The following PTPN11 variants were observed in gnomAD, a reference collection of about 807,000 sequenced individuals.
PTPN11 encodes the protein tyrosine-protein phosphatase non-receptor type 11.
PTPN11 carries 6 observed loss-of-function variants against 78.8 expected under a neutral mutation model. That is an observed-to-expected ratio of 0.08 (90% CI 0.04 to 0.15). PTPN11 has a LOEUF of 0.15. PTPN11 is among the 10% of genes least tolerant of loss of function. The probability of loss-of-function intolerance (pLI) is 1.00; values close to 1 mark genes in which losing one functional copy is unlikely to be tolerated. For synonymous variants in PTPN11, 221 were observed against 263.5 expected (o/e 0.84, Z 1.56); for missense variants, 386 against 744.8 (o/e 0.52, Z 5.61).
chr12:112,428,024 T>G (rs2037648516), intron 1 of PTPN11, among the ~76,000 whole-genome samples: 1 of 152,212 alleles, frequency 6.6e-6, no homozygotes, highest in South Asian at 2.1e-4. Flanking sequence ...GTGCTGGCAT[T>G]ATGGGCATAA....
intron 6 of PTPN11, among the ~76,000 whole-genome samples, chr12:112,457,995 A>G (rs1182568643): frequency 1.3e-5 from 2 of 152,194 alleles, no homozygotes; most frequent in African/African-American, 2.4e-5. Context: ...GTTCTGTTTT[A>G]TGGGAATGAT....
intron 6 of PTPN11, among the ~76,000 whole-genome samples, chr12:112,467,605 C>T (rs897267323): frequency 5.3e-5 from 8 of 152,192 alleles, no homozygotes; most frequent in Non-Finnish European, 1.2e-4. Flanking sequence ...AGCAATTCTC[C>T]TGCCTCAGCC....
intron 10 of PTPN11, among the ~76,000 whole-genome samples, chr12:112,483,311 C>A (rs1179667297): frequency 6.6e-6 from 1 of 152,022 alleles, no homozygotes; most frequent in Non-Finnish European, 1.5e-5. Context: ...CCTCAGCCTC[C>A]CATGTAGCTG....
intron 9 of PTPN11, 107 bp downstream of exon 9, chr12:112,478,122 ATTCTCTGG>A: frequency 7.7e-7 from 1 of 1,305,276 alleles, no homozygotes; most frequent in African/African-American, 1.5e-5. Context: ...ACTGTAACTG[ATTCTCTGG>A]AAAAAAGGGA....
In PTPN11 at chr12:112,477,840, T is replaced by C. The variant is rs750318699; in HGVS notation, c.934-17T>C. 4.3e-6 allele frequency: 7 copies of C among 1,614,074 alleles called. No individual in the cohort carries two copies. In the South Asian group the frequency reaches 7.7e-5, roughly 18 times the overall value. On this transcript the variant is annotated splice_polypyrimidine_tract_variant and intron_variant, in intron 8 of 15. Coordinates refer to ENST00000351677, the MANE Select transcript of PTPN11 (RefSeq NM_002834.5). ...TAACTTTAAGGTGTTTGAAGGATTTTCTTCCTAAATTTCTAGCCTGAATTT... is the reference window on the plus strand; with the variant it reads ...TAACTTTAAGGTGTTTGAAGGATTTCCTTCCTAAATTTCTAGCCTGAATTT...
At chr12:112,426,304 T>A (rs2037614384) in intron 1 of PTPN11, among the ~76,000 whole-genome samples, 1 of 152,216 alleles carries the variant, frequency 6.6e-6, no homozygotes, top group Non-Finnish European at 1.5e-5. Flanking sequence ...TAGCGCAGGC[T>A]GGAGTGCAGT....
At chr12:112,460,862 A>G (rs1161908652) in intron 6 of PTPN11, among the ~76,000 whole-genome samples, 1 of 152,012 alleles carries the variant, frequency 6.6e-6, no homozygotes, top group Non-Finnish European at 1.5e-5. Flanking sequence ...AAACAAAACA[A>G]TCTTAAGTCT....
At chr12:112,454,938 G>C in intron 5 of PTPN11, 2 of 487,100 alleles carry the variant, frequency 4.1e-6, no homozygotes, top group Non-Finnish European at 7.6e-6. Flanking sequence ...TCCTGCCTCA[G>C]CCTCCTGAGT....
In PTPN11 at chr12:112,482,198, T is replaced by C. The variant is rs760221298; in HGVS notation, c.1217T>C (p.Val406Ala). 2.5e-6 allele frequency: 4 copies of C among 1,613,344 alleles called. No individual in the cohort carries two copies. The highest frequency in any genetic ancestry group is 3.4e-6 in the Non-Finnish European group (4 of 1,179,510). ...YTLRELKLSK[V>A]GQGNTERTVW... ...CTAAGAGAACTTAAACTTTCAAAGG[T>C]TGGACAAGTAAGTATATTGTCGTAT... Residue 406 changes from valine (V) to alanine (A), a missense_variant, in exon 10 of 16, where the codon GTT becomes GCT. By Grantham distance (64) the Val-to-Ala change is moderately conservative. Transcript: ENST00000351677. The surrounding 1 kb of genome is among the most constrained non-coding windows in gnomAD (Gnocchi z 4.4).
At chr12:112,447,379 T>C (rs2038009827) in intron 2 of PTPN11, among the ~76,000 whole-genome samples, 1 of 152,230 alleles carries the variant, frequency 6.6e-6, no homozygotes, top group Non-Finnish European at 1.5e-5. Flanking sequence ...GCACTTGTAC[T>C]GTGTATGAAC....
rs2038707425 is a variant in PTPN11 at position 112,488,523 on chromosome 12, G to A, written c.1447+13G>A. 1 of 1,594,296 alleles carries A rather than the reference G, an allele frequency of 6.3e-7. No homozygotes were observed. Among genetic ancestry groups the A allele is most frequent in the Non-Finnish European group, 8.6e-7 (1 of 1,161,908 alleles). On this transcript the variant is annotated intron_variant, in intron 12 of 15. Transcript: ENST00000351677. ...ATCAGAGAGAAAGGTGGGTCATCTG[G>A]TGGGCAAGAAGCGACAGTTTCTGTT...
chr12:112,477,429 C>A (rs558378176), intron 7 of PTPN11, among the ~76,000 whole-genome samples: 7 of 152,198 alleles, frequency 4.6e-5, no homozygotes, highest in African/African-American at 1.7e-4. Context: ...TCCTATATAC[C>A]CATAGTATAT....
At chr12:112,433,029 T>TTTTTATATATTTA (rs1478691971) in intron 1 of PTPN11, among the ~76,000 whole-genome samples, 2 of 151,936 alleles carry the variant, frequency 1.3e-5, no homozygotes, top group African/African-American at 4.8e-5. Context: ...TCTGGCTAAT[T>TTTTTATATATTTA]TTTATATATT....
chr12:112,481,927 C>T, intron 9 of PTPN11, 147 bp from the exon 10 acceptor site: 1 of 839,700 alleles, frequency 1.2e-6, no homozygotes, highest in Non-Finnish European at 1.9e-6. Flanking sequence ...ACTCTTCTGT[C>T]CTTTTCTGAA....
intron 7 of PTPN11, among the ~76,000 whole-genome samples, chr12:112,473,841 G>A (rs1354123950): frequency 1.4e-4 from 21 of 148,196 alleles, no homozygotes; most frequent in South Asian, 2.1e-4. Context: ...GCAAAACTCC[G>A]TCTCAAAAAA....
chr12:112,466,881 C>A (rs949138022), intron 6 of PTPN11, among the ~76,000 whole-genome samples: 1 of 152,042 alleles, frequency 6.6e-6, no homozygotes, highest in Non-Finnish European at 1.5e-5. Context: ...CTGGCTCAGC[C>A]AGTTTATTTT....
chr12:112,461,940 A>G (rs1469120840), intron 6 of PTPN11, among the ~76,000 whole-genome samples: 2 of 152,214 alleles, frequency 1.3e-5, no homozygotes, highest in African/African-American at 2.4e-5. Context: ...AAGATTATTC[A>G]TTTGTTTTAT....
intron 1 of PTPN11, among the ~76,000 whole-genome samples, chr12:112,428,045 C>T (rs1277950449): frequency 1.3e-5 from 2 of 152,174 alleles, no homozygotes; most frequent in African/African-American, 4.8e-5. Flanking sequence ...GCCACTGTGC[C>T]TAGCCCATCA....
intron 13 of PTPN11, among the ~76,000 whole-genome samples, chr12:112,495,820 A>G (rs562079121): frequency 1.3e-5 from 2 of 152,282 alleles, no homozygotes; most frequent in East Asian, 3.9e-4. Flanking sequence ...TATCTTATGT[A>G]ATGTGTTGAG....
Sources: allele counts gnomAD v4.1 joint callset (sites outside exome capture counted in the v4.1 genomes callset), GRCh38; gene constraint gnomAD v4.1.1; non-coding constraint Gnocchi (gnomAD v3.1); transcripts MANE v1.5; gene names NCBI Gene and HGNC (gene_info 2026-07-23, HGNC 2026-07-21).